The following ATR variants were observed in gnomAD, a reference collection of about 807,000 sequenced individuals.
The protein encoded by ATR is serine/threonine-protein kinase ATR.
In ATR, 142 loss-of-function variants were observed where a neutral mutation model predicts 305.3. That is an observed-to-expected ratio of 0.47 (90% CI 0.41 to 0.53). ATR has a LOEUF of 0.53. Ranked by LOEUF, ATR falls within the 20% of genes least tolerant of loss-of-function variation. The probability of loss-of-function intolerance (pLI) is 0.00; values close to 1 mark genes in which losing one functional copy is unlikely to be tolerated. For missense variants in ATR, 2,135 were observed against 3,133.1 expected (o/e 0.68, Z 7.60); for synonymous variants, 1,050 against 1,068.1 (o/e 0.98, Z 0.33).
chr3:142,480,780 G>A (rs367669532), intron 36 of ATR, among the ~76,000 whole-genome samples: 3 of 152,328 alleles, frequency 2.0e-5, no homozygotes, highest in East Asian at 3.9e-4. Flanking sequence ...TCAAGCCTCA[G>A]CAATGGCGGG....
chr3:142,536,258 AT>A, intron 19 of ATR, 57 bp from the exon 20 acceptor site: 3 of 1,277,662 alleles, frequency 2.3e-6, no homozygotes, highest in African/African-American at 1.5e-5. Flanking sequence ...TACTAAAAAA[AT>A]GTAAAGTAAA....
intron 21 of ATR, among the ~76,000 whole-genome samples, chr3:142,527,096 T>C (rs1488514753): frequency 2.0e-5 from 3 of 152,180 alleles, no homozygotes; most frequent in Non-Finnish European, 4.4e-5. Context: ...GCATGGGGTG[T>C]TTTCTTAATG....
chr3:142,537,825 A>G (rs1380216926), intron 19 of ATR, among the ~76,000 whole-genome samples: 1 of 152,206 alleles, frequency 6.6e-6, no homozygotes, highest in African/African-American at 2.4e-5. Context: ...AGAATAATGC[A>G]TGTTCTGTCA....
chr3:142,568,126 C>T lies in ATR; in HGVS notation c.88G>A (p.Val30Ile). ...SATPEEYNTV[V>I]QKPRQILCQF... Reference sequence around the variant, plus strand: ...CACAGAATTTGTCTTGGCTTCTGTACAACTGTATTATATTCCTCTGGTGTG... The same window carrying T: ...CACAGAATTTGTCTTGGCTTCTGTATAACTGTATTATATTCCTCTGGTGTG... The change falls in exon 2 of 47, where the codon GTA (valine) becomes ATA (isoleucine). Residue 30 changes from valine to isoleucine, a missense_variant. Transcript: ENST00000350721. 1 of 1,612,496 alleles carries T rather than the reference C, an allele frequency of 6.2e-7. No homozygotes were observed. The highest frequency in any genetic ancestry group is 8.5e-7 in the Non-Finnish European group (1 of 1,178,796).
chr3:142,564,270 G>A (rs2034985652), intron 3 of ATR, among the ~76,000 whole-genome samples: 1 of 152,142 alleles, frequency 6.6e-6, no homozygotes, highest in Admixed American at 6.5e-5. Flanking sequence ...GTAGTGGTCT[G>A]GAACTGAACC....
chr3:142,498,626 G>T lies in ATR; in HGVS notation c.5529C>A (p.Ser1843=), dbSNP rs2031779693. The part of the protein sequence containing the change: ...PLSAASFERG[S]YQRGYEYIVR... ...CAATATATTCATATCCTCGTTGGTA[G>T]GAGCCTCTTTCAAAGCTTGCAGCTG... The change falls in exon 32 of 47, where the codon TCC becomes TCA. Residue 1843 remains serine, a synonymous_variant. Coordinates refer to ENST00000350721, the MANE Select transcript of ATR (RefSeq NM_001184.4). 1 of 1,613,920 alleles carries T rather than the reference G, an allele frequency of 6.2e-7. No homozygotes were observed. The highest frequency in any genetic ancestry group is 2.2e-5 in the East Asian group (1 of 44,860).
intron 1 of ATR, among the ~76,000 whole-genome samples, chr3:142,572,841 A>AG (rs1183097251): frequency 6.6e-6 from 1 of 152,130 alleles, no homozygotes; most frequent in East Asian, 1.9e-4. Flanking sequence ...AGAAAAAAAA[A>AG]CAACTCTTCA....
intron 21 of ATR, among the ~76,000 whole-genome samples, chr3:142,525,068 C>G (rs2033314099): frequency 6.6e-6 from 1 of 152,128 alleles, no homozygotes; most frequent in African/African-American, 2.4e-5. Flanking sequence ...TCTTCAATAG[C>G]TGATTTCTTA....
At chr3:142,508,988 T>G (rs71304142) in intron 27 of ATR, among the ~76,000 whole-genome samples, 2,708 of 150,410 alleles carry the variant, frequency 0.018, 39 homozygotes, top group Middle Eastern at 0.031. Context: ...CCACAAGTAC[T>G]TTAGGATAAT....
At chr3:142,512,630 G>A (rs796279401) in intron 26 of ATR, among the ~76,000 whole-genome samples, 160 bp from the exon 27 acceptor site, 17 of 152,290 alleles carry the variant, frequency 1.1e-4, no homozygotes, top group African/African-American at 3.6e-4. Flanking sequence ...GGAGGCTGAG[G>A]CAGCCCAATT....
chr3:142,556,593 A>G lies in ATR; in HGVS notation c.1886-18T>C, dbSNP rs2034681772. On this transcript the variant is annotated intron_variant, in intron 8 of 46. Coordinates refer to ENST00000350721, the MANE Select transcript of ATR (RefSeq NM_001184.4). Reference sequence around the variant, plus strand: ...CTGTGGTGCTGAAAAAATTAAGTCTATTAAACAAGATTTCTACTAATGTTA... The same window carrying G: ...CTGTGGTGCTGAAAAAATTAAGTCTGTTAAACAAGATTTCTACTAATGTTA... The G allele has an allele frequency of 6.2e-7, 1 of 1,608,884 alleles. No individual in the cohort carries two copies. The highest frequency in any genetic ancestry group is 8.5e-7 in the Non-Finnish European group (1 of 1,175,530).
chr3:142,467,104 T>A (rs1577508507), intron 39 of ATR, among the ~76,000 whole-genome samples: 1 of 152,140 alleles, frequency 6.6e-6, no homozygotes, highest in East Asian at 1.9e-4. Context: ...TGTTTATTGA[T>A]AAAGGAAAGG....
intron 23 of ATR, 49 bp from the exon 24 acceptor site, chr3:142,519,833 G>T (rs372901259): frequency 7.6e-7 from 1 of 1,310,216 alleles, no homozygotes; most frequent in Non-Finnish European, 1.1e-6. Context: ...AGCAGATAAC[G>T]CTTTATATTC....
rs764501288 is a variant in ATR, at chr3:142,555,862, G to C, written c.2341+15C>G. 31 of 1,603,742 alleles carry C rather than the reference G, an allele frequency of 1.9e-5. 1 individual carries two copies. The Middle Eastern group carries it at 6.7e-4, about 34-fold the overall frequency. ...AAATAGGTTTTAAAGTATTAAATAA[G>C]TCATAATCACTCACCAAGTTTTACT... On this transcript the variant is annotated intron_variant, in intron 10 of 46. Transcript: ENST00000350721.
rs144591613 is a variant in ATR at position 142,519,675 on chromosome 3, T to C, written c.4376A>G (p.Asn1459Ser). 2.5e-6 allele frequency: 4 copies of C among 1,606,908 alleles called. No individual in the cohort carries two copies. The African/African-American group carries it at 4.0e-5, about 16-fold the overall frequency. ...HVREILEPHLNTRYKSSQKST... is the reference protein window; with the variant it reads ...HVREILEPHLSTRYKSSQKST... ...ATTAAATAAGCCTACATACCTGGTA[T>C]TTAGATGAGGTTCTAGTATTTCCCG... Residue 1459 changes from asparagine (N) to serine (S), a missense_variant, in exon 24 of 47, where the codon AAT (asparagine) becomes AGT (serine). This residue lies in a region of ATR where 202 missense variants were observed against 252.9 expected (regional missense o/e 0.80). Coordinates refer to ENST00000350721, the MANE Select transcript of ATR (RefSeq NM_001184.4).
intron 42 of ATR, 42 bp from the exon 43 acceptor site, chr3:142,459,425 GA>G (rs1356692602): frequency 6.2e-7 from 1 of 1,602,440 alleles, no homozygotes; most frequent in South Asian, 1.1e-5. Flanking sequence ...TCAGCCAAAT[GA>G]AAAAAGGGGC....
chr3:142,519,041 C>T (rs1402814377), intron 24 of ATR, among the ~76,000 whole-genome samples: 1 of 152,052 alleles, frequency 6.6e-6, no homozygotes, highest in African/African-American at 2.4e-5. Context: ...TTCTGTATTA[C>T]TTATACCTAT....
chr3:142,534,066 TC>T (rs1368547932), intron 21 of ATR, among the ~76,000 whole-genome samples: 1 of 152,010 alleles, frequency 6.6e-6, no homozygotes, highest in Non-Finnish European at 1.5e-5. Context: ...CTAGAAAACC[TC>T]TATGCAAAGA....
At chr3:142,508,151 T>G in intron 27 of ATR, 42 bp from the exon 28 acceptor site, 1 of 1,521,504 alleles carries the variant, frequency 6.6e-7, no homozygotes, top group African/African-American at 1.4e-5. Flanking sequence ...ACTTATAAGA[T>G]AAAATTTAAA....
Sources: gnomAD v4.1 joint callset for allele counts (sites outside exome capture counted in the v4.1 genomes callset) on GRCh38, gnomAD v4.1.1 for gene constraint, gnomAD v4.1.1 regional missense constraint, MANE v1.5 for transcripts, NCBI Gene and HGNC (gene_info 2026-07-23, HGNC 2026-07-21) for gene names.